Variants in TLE1 observed in about 807,000 individuals in gnomAD.
TLE1 encodes the protein transducin-like enhancer protein 1.
Under a neutral mutation model 89.8 loss-of-function variants are expected in TLE1, and 21 were observed. That is an observed-to-expected ratio of 0.23 (90% CI 0.17 to 0.34). The LOEUF is 0.34. TLE1 is among the 10% of genes least tolerant of loss of function. TLE1 has a pLI of 1.00. For synonymous variants in TLE1, 447 were observed against 407.6 expected, an observed-to-expected ratio of 1.10 and a Z score of -1.16; for missense variants, 795 against 1,031.2, an observed-to-expected ratio of 0.77 and a Z score of 3.14.
chr9:81,654,708 G>A (rs1038580983), intron 4 of TLE1, among the ~76,000 whole-genome samples: 3 of 152,126 alleles, frequency 2.0e-5, no homozygotes, highest in Non-Finnish European at 4.4e-5. Context: ...CATTCAAGCG[G>A]GTGTCAGAAG....
chr9:81,672,020 G>T (rs1314580971), intron 4 of TLE1, among the ~76,000 whole-genome samples: 1 of 152,134 alleles, frequency 6.6e-6, no homozygotes, highest in Non-Finnish European at 1.5e-5. Context: ...AGGCTAGGGG[G>T]TTGTCAAGAA....
At chr9:81,636,657 TG>T (rs1453799892) in intron 6 of TLE1, among the ~76,000 whole-genome samples, 4 of 151,934 alleles carry the variant, frequency 2.6e-5, no homozygotes, top group African/African-American at 7.3e-5. Flanking sequence ...ACTTCAGAGG[TG>T]GGATTCTTAT....
At chr9:81,631,228 C>T (rs557827647) in intron 8 of TLE1, among the ~76,000 whole-genome samples, 61 of 152,346 alleles carry the variant, frequency 4.0e-4, no homozygotes, top group Admixed American at 2.6e-3. Context: ...ACCAATAACC[C>T]TCCCTCCACC....
chr9:81,683,142 G>T, intron 4 of TLE1, among the ~76,000 whole-genome samples: 1 of 152,070 alleles, frequency 6.6e-6, no homozygotes, highest in East Asian at 1.9e-4. Context: ...TGAAAGGTGG[G>T]AAGGGAGAGC....
At chr9:81,641,699 T>C (rs777691193) in intron 6 of TLE1, among the ~76,000 whole-genome samples, 1 of 152,124 alleles carries the variant, frequency 6.6e-6, no homozygotes, top group Non-Finnish European at 1.5e-5. Flanking sequence ...TCATTAATCA[T>C]GAAGGAAACG....
chr9:81,598,137 C>T (rs985717943), intron 14 of TLE1, among the ~76,000 whole-genome samples: 1 of 152,140 alleles, frequency 6.6e-6, no homozygotes, highest in African/African-American at 2.4e-5. Context: ...AAAATCTGAT[C>T]GTGTCAAAAA....
intron 14 of TLE1, among the ~76,000 whole-genome samples, chr9:81,599,374 T>C (rs1300542387): frequency 1.3e-5 from 2 of 152,104 alleles, no homozygotes; most frequent in Non-Finnish European, 1.5e-5. Flanking sequence ...AGGGATAACG[T>C]GGGACCCACC....
chr9:81,626,529 G>A (rs62576165), intron 8 of TLE1, among the ~76,000 whole-genome samples: 2,177 of 152,272 alleles, frequency 0.014, 17 homozygotes, highest in Non-Finnish European at 0.024. Context: ...GGACAAAGTT[G>A]AAAATCTGTC....
intron 14 of TLE1, among the ~76,000 whole-genome samples, chr9:81,602,742 A>T (rs1404994638): frequency 6.6e-6 from 1 of 152,214 alleles, no homozygotes; most frequent in African/African-American, 2.4e-5. Context: ...ACTGACAGCA[A>T]TCTGATGAGG....
At chr9:81,585,931 C>T (rs1412664581) in intron 17 of TLE1, among the ~76,000 whole-genome samples, 1 of 151,714 alleles carries the variant, frequency 6.6e-6, no homozygotes, top group Admixed American at 6.6e-5. Flanking sequence ...TTAAAGGAGG[C>T]TTTACCTTTT....
At chr9:81,636,702 A>G (rs1827406235) in intron 6 of TLE1, among the ~76,000 whole-genome samples, 1 of 152,104 alleles carries the variant, frequency 6.6e-6, no homozygotes, top group African/African-American at 2.4e-5. Context: ...ATATTTAGAT[A>G]CTAACAAAGT....
intron 14 of TLE1, among the ~76,000 whole-genome samples, chr9:81,598,351 C>T (rs1010675658): frequency 4.6e-5 from 7 of 152,182 alleles, no homozygotes; most frequent in Non-Finnish European, 1.0e-4. Context: ...CCCAAGTACA[C>T]GCCGCTTCCT....
chr9:81,590,769 A>C (rs1366920576), intron 16 of TLE1, 36 bp downstream of exon 16: 2 of 1,600,106 alleles, frequency 1.2e-6, no homozygotes, highest in Non-Finnish European at 1.7e-6. Context: ...GCTGCTAAAG[A>C]AGCGAACCCC....
chr9:81,625,911 T>TAAAAAAAAAAAA (rs35467275), intron 8 of TLE1, among the ~76,000 whole-genome samples: 13 of 87,832 alleles, frequency 1.5e-4, no homozygotes, highest in African/African-American at 4.8e-4. Context: ...CAGAAACTAC[T>TAAAAAAAAAAAA]AAAAAAAAAA....
At chr9:81,673,285 A>AG (rs1180919020) in intron 4 of TLE1, among the ~76,000 whole-genome samples, 1 of 151,114 alleles carries the variant, frequency 6.6e-6, no homozygotes, top group African/African-American at 2.4e-5. Context: ...AAAAAAAAAA[A>AG]AAAAAAAAAC....
intron 4 of TLE1, among the ~76,000 whole-genome samples, chr9:81,658,807 T>C (rs186844665): frequency 1.1e-3 from 162 of 152,326 alleles, no homozygotes; most frequent in Admixed American, 1.7e-3. Context: ...ATTCTTAGTA[T>C]TATCTCTTGC....
intron 14 of TLE1, among the ~76,000 whole-genome samples, chr9:81,597,696 G>T (rs1412431242): frequency 1.3e-5 from 2 of 152,098 alleles, no homozygotes; most frequent in Admixed American, 1.3e-4. Context: ...TCTGGTGTCA[G>T]AATCGAAAAG....
intron 4 of TLE1, among the ~76,000 whole-genome samples, chr9:81,674,824 A>G (rs964909493): frequency 6.6e-6 from 1 of 152,150 alleles, no homozygotes. Flanking sequence ...GTCTAGGAGG[A>G]AAACCCTATA....
At chr9:81,631,583 T>C (rs1157528444) in intron 8 of TLE1, among the ~76,000 whole-genome samples, 9 of 152,364 alleles carry the variant, frequency 5.9e-5, no homozygotes, top group Admixed American at 3.9e-4. Context: ...CAGATGCGTG[T>C]CCCATAATGC....
Sources: allele counts gnomAD v4.1 joint callset (sites outside exome capture counted in the v4.1 genomes callset), GRCh38; gene constraint gnomAD v4.1.1; transcripts MANE v1.5; gene names NCBI Gene and HGNC (gene_info 2026-07-23, HGNC 2026-07-21).